Variants in MSRA observed in about 807,000 individuals in gnomAD.
MSRA encodes mitochondrial peptide methionine sulfoxide reductase.
Under a neutral mutation model 31.3 loss-of-function variants are expected in MSRA, and 54 were observed. The observed-to-expected ratio is 1.73, with a 90% CI of 1.39 to 2.17. The LOEUF (loss-of-function observed/expected upper bound fraction) is 2.17, where lower values mean the gene tolerates loss of function less well. Among genes scored for constraint, MSRA ranks in the 30% most tolerant of loss-of-function variants. MSRA has a pLI of 0.00. For synonymous variants in MSRA, 169 were observed against 116.5 expected, an observed-to-expected ratio of 1.45 and a Z score of -2.90; for missense variants, 507 against 300.9, an observed-to-expected ratio of 1.69 and a Z score of -5.07.
intron 1 of MSRA, among the ~76,000 whole-genome samples, chr8:10,104,657 T>C (rs1406196990): frequency 6.6e-6 from 1 of 152,186 alleles, no homozygotes; most frequent in Non-Finnish European, 1.5e-5. Flanking sequence ...TCAGAGAGAA[T>C]AGATTGTAAA....
At chr8:10,128,646 G>T (rs557309143) in intron 1 of MSRA, among the ~76,000 whole-genome samples, 1 of 152,200 alleles carries the variant, frequency 6.6e-6, no homozygotes, top group Non-Finnish European at 1.5e-5. Flanking sequence ...CTTCATGAGG[G>T]TGATGCTGCC....
At chr8:10,140,494 C>G (rs1036538570) in intron 1 of MSRA, among the ~76,000 whole-genome samples, 3 of 152,136 alleles carry the variant, frequency 2.0e-5, no homozygotes, top group Non-Finnish European at 4.4e-5. Context: ...TTACCTTGAT[C>G]TACGAGATTT....
At chr8:10,096,988 AG>A (rs1439549192) in intron 1 of MSRA, among the ~76,000 whole-genome samples, 1 of 152,234 alleles carries the variant, frequency 6.6e-6, no homozygotes, top group Non-Finnish European at 1.5e-5. Context: ...GCAGTATAAA[AG>A]ACTGCCCCTG....
intron 5 of MSRA, among the ~76,000 whole-genome samples, chr8:10,381,883 A>G (rs1042792242): frequency 8.6e-5 from 13 of 151,698 alleles, no homozygotes; most frequent in African/African-American, 2.9e-4. Context: ...TCCCTGCCCC[A>G]CCTCAGGCAC....
In MSRA at chr8:10,349,778, C is replaced by T. The variant is rs554497893; in HGVS notation, c.543+29789C>T. On this transcript the variant is annotated intron_variant, in intron 5 of 5. Coordinates refer to ENST00000317173, the MANE Select transcript of MSRA (RefSeq NM_012331.5). Reference sequence around the variant, plus strand: ...AGGTCTAAGAAAACGGCCATCTCCCCGTTGCTGTTTTGGCCCCTCTAGTCC... The same window carrying T: ...AGGTCTAAGAAAACGGCCATCTCCCTGTTGCTGTTTTGGCCCCTCTAGTCC... Among the ~76,000 whole-genome samples the T allele has an allele frequency of 7.0e-4, 106 of 152,382 alleles. 5 individuals carry two copies. The South Asian group carries it at 0.02, about 28-fold the overall frequency.
At chr8:10,345,108 C>T (rs559624191) in intron 5 of MSRA, among the ~76,000 whole-genome samples, 12 of 152,232 alleles carry the variant, frequency 7.9e-5, no homozygotes, top group African/African-American at 1.7e-4. Flanking sequence ...GAGATGGTGA[C>T]GCCATGCTGA....
At chr8:10,228,213 C>G (rs944101440) in intron 2 of MSRA, among the ~76,000 whole-genome samples, 1 of 152,190 alleles carries the variant, frequency 6.6e-6, no homozygotes, top group Admixed American at 6.5e-5. Context: ...CTACAGCTAT[C>G]CAGCTGTAGC....
chr8:10,337,585 C>G, intron 5 of MSRA: 2 of 643,972 alleles, frequency 3.1e-6, no homozygotes, highest in Non-Finnish European at 5.6e-6. Context: ...GCAGATTCCT[C>G]TCTGTCTCTG....
chr8:10,364,336 C>G (rs1563397207), intron 5 of MSRA, among the ~76,000 whole-genome samples: 1 of 152,172 alleles, frequency 6.6e-6, no homozygotes, highest in Non-Finnish European at 1.5e-5. Flanking sequence ...CCTGGGGCGT[C>G]AAAGGTGTCA....
intron 1 of MSRA, among the ~76,000 whole-genome samples, chr8:10,188,996 C>G (rs1480557641): frequency 6.6e-6 from 1 of 152,128 alleles, no homozygotes; most frequent in Non-Finnish European, 1.5e-5. Flanking sequence ...AGTTTATGAA[C>G]ATGATGTATC....
Position 10,422,728 on chromosome 8 carries a change from C to T in MSRA, c.544-5420C>T, listed in dbSNP as rs564418996. ...GGGCATGTGAGACTGGCTGTCAGTA[C>T]AGCCCTGGGGGTACCTGGCCCCACA... On this transcript the variant is annotated intron_variant, in intron 5 of 5. Coordinates refer to ENST00000317173, the MANE Select transcript of MSRA (RefSeq NM_012331.5). 3.9e-5 allele frequency among the ~76,000 whole-genome samples: 6 copies of T among 152,328 alleles called. No homozygotes were observed. The South Asian group carries it at 6.2e-4, about 16-fold the overall frequency.
At chr8:10,204,492 C>T (rs764339304) in intron 1 of MSRA, among the ~76,000 whole-genome samples, 1 of 152,096 alleles carries the variant, frequency 6.6e-6, no homozygotes, top group East Asian at 1.9e-4. Flanking sequence ...ATCACAAATA[C>T]TTATCATTGT....
At chr8:10,407,538 G>A (rs529318564) in intron 5 of MSRA, among the ~76,000 whole-genome samples, 1 of 152,212 alleles carries the variant, frequency 6.6e-6, no homozygotes, top group Non-Finnish European at 1.5e-5. Context: ...GTGTAGCCTG[G>A]AGGAGAGGTA....
At chr8:10,293,190 G>C (rs1250808266) in intron 3 of MSRA, among the ~76,000 whole-genome samples, 2 of 152,206 alleles carry the variant, frequency 1.3e-5, no homozygotes, top group Non-Finnish European at 2.9e-5. Flanking sequence ...TCTGAAGGCA[G>C]AGTCTGAGGT....
intron 1 of MSRA, among the ~76,000 whole-genome samples, chr8:10,163,567 C>A (rs1226409991): frequency 6.6e-6 from 1 of 152,212 alleles, no homozygotes; most frequent in Non-Finnish European, 1.5e-5. Context: ...CCTGTTTCTG[C>A]CCCACGCTGG....
intron 2 of MSRA, among the ~76,000 whole-genome samples, chr8:10,221,785 CAT>C (rs1166938022): frequency 6.6e-6 from 1 of 151,732 alleles, no homozygotes; most frequent in Non-Finnish European, 1.5e-5. Flanking sequence ...TTTAAAATAA[CAT>C]AGTCAGAGAA....
chr8:10,246,775 C>T (rs1461739153), intron 3 of MSRA, among the ~76,000 whole-genome samples: 1 of 152,014 alleles, frequency 6.6e-6, no homozygotes, highest in African/African-American at 2.4e-5. Context: ...TATTCTGATT[C>T]GTATGGAGAA....
At chr8:10,170,544 G>A (rs1563177879) in intron 1 of MSRA, among the ~76,000 whole-genome samples, 1 of 152,090 alleles carries the variant, frequency 6.6e-6, no homozygotes, top group Admixed American at 6.5e-5. Context: ...TGGATTCAAC[G>A]AAACTTGGAT....
At chr8:10,315,013 CCAAAGGCGAAGGAGGAG>C (rs1285471680) in intron 4 of MSRA, among the ~76,000 whole-genome samples, 3 of 152,076 alleles carry the variant, frequency 2.0e-5, no homozygotes, top group Non-Finnish European at 4.4e-5. Flanking sequence ...ACAATTATGA[CCAAAGGCGAAGGAGGAG>C]CAAAGGCACA....
Sources: gnomAD v4.1 joint callset for allele counts (sites outside exome capture counted in the v4.1 genomes callset) on GRCh38, gnomAD v4.1.1 for gene constraint, MANE v1.5 for transcripts, NCBI Gene and HGNC (gene_info 2026-07-23, HGNC 2026-07-21) for gene names.